The following PCDH18 variants were observed in gnomAD, a reference collection of about 807,000 sequenced individuals.
The protein encoded by PCDH18 is protocadherin-18.
In PCDH18, 38 loss-of-function variants were observed where a neutral mutation model predicts 71.5. That is an observed-to-expected ratio of 0.53 (90% CI 0.41 to 0.70). The LOEUF (loss-of-function observed/expected upper bound fraction) is 0.70, where lower values mean the gene tolerates loss of function less well. Among genes scored for constraint, PCDH18 ranks in the 30% least tolerant of loss-of-function variants. PCDH18 has a pLI of 0.00. For missense variants in PCDH18, 1,334 were observed against 1,384.6 expected, an observed-to-expected ratio of 0.96 and a Z score of 0.58; for synonymous variants, 565 against 505.4, an observed-to-expected ratio of 1.12 and a Z score of -1.58.
chr4:137,524,625 C>A (rs1226304430), intron 3 of PCDH18, among the ~76,000 whole-genome samples: 2 of 152,068 alleles, frequency 1.3e-5, no homozygotes, highest in Non-Finnish European at 1.5e-5. Context: ...ACACCATGAG[C>A]AAAGCATCAG....
rs767735073 is a variant in PCDH18, at chr4:137,528,675, T to G, written c.2577-34A>C. ...ATAAATCACAAAAAAAAATTACAGT[T>G]TTTACTCTTCAGCATTTATGTTGAA... On this transcript the variant is annotated intron_variant, in intron 2 of 3. Transcript: ENST00000344876. 8 of 1,610,882 alleles carry G rather than the reference T, an allele frequency of 5.0e-6. No individual in the cohort carries two copies. The African/African-American group carries it at 5.4e-5, about 11-fold the overall frequency.
rs753033679 is a variant in PCDH18 at position 137,530,853 on chromosome 4, T to G, written c.1236A>C (p.Glu412Asp). 1 of 1,609,512 alleles carries G rather than the reference T, an allele frequency of 6.2e-7. No individual in the cohort carries two copies. Among genetic ancestry groups the G allele is most frequent in the Non-Finnish European group, 8.5e-7 (1 of 1,177,408 alleles). The change falls in exon 1 of 4, where the codon GAA becomes GAC. Residue 412 changes from glutamate to aspartate, a missense_variant. Physicochemically the swap from Glu to Asp is conservative, Grantham distance 45. Around this residue, in one of 3 missense-constraint regions of PCDH18, gnomAD observed 1,011 missense variants for 1,048.0 expected, o/e 0.96. Transcript: ENST00000344876. Reference sequence around the variant, plus strand: ...CATTAGTTAAGATTAAATAATTGTTTTCATATGTCTTCTGAAGTTTAAAGT... The same window carrying G: ...CATTAGTTAAGATTAAATAATTGTTGTCATATGTCTTCTGAAGTTTAAAGT... ...HGHFKLQKTY[E>D]NNYLILTNAT... is the part of the protein sequence containing the mutation.
In PCDH18 at chr4:137,531,154, A is replaced by G. The variant is rs1731678165; in HGVS notation, c.935T>C (p.Val312Ala). ...ATAGGATTTGGTGATTTCATAATCC[A>G]CTTGCTTGAAAAGAGTCAAATGTCC... is the stretch of plus-strand genomic sequence containing the variant. ...ERGHLTLFKQ[V>A]DYEITKSYEI... Residue 312 changes from valine to alanine, a missense_variant, in exon 1 of 4, where the codon GTG becomes GCG. By Grantham distance (64) the Val-to-Ala change is moderately conservative. Coordinates refer to ENST00000344876, the MANE Select transcript of PCDH18 (RefSeq NM_019035.5). The G allele has an allele frequency of 6.2e-7, 1 of 1,613,574 alleles. No individual in the cohort carries two copies. Among genetic ancestry groups the G allele is most frequent in the Non-Finnish European group, 8.5e-7 (1 of 1,179,684 alleles).
In PCDH18 at chr4:137,531,747, G is replaced by T. The variant is rs1578751292; in HGVS notation, c.342C>A (p.Pro114=). 3.7e-6 allele frequency: 6 copies of T among 1,613,942 alleles called. No individual in the cohort carries two copies. In the African/African-American group the frequency reaches 8.0e-5, roughly 22 times the overall value. The change falls in exon 1 of 4, where the codon CCC becomes CCA. Residue 114 remains proline, a synonymous_variant. Transcript: ENST00000344876. The part of the protein sequence containing the change: ...CSIEFDVITL[P]TEHLQLFHIE... ...TATGGAAAAGCTGCAGATGCTCTGT[G>T]GGTAGAGTGATCACATCAAACTCTA...
In PCDH18 at chr4:137,530,294, G is replaced by A; in HGVS notation, c.1795C>T (p.His599Tyr). 1.2e-6 allele frequency: 2 copies of A among 1,613,826 alleles called. No individual in the cohort carries two copies. Among genetic ancestry groups the A allele is most frequent in the African/African-American group, 1.3e-5 (1 of 75,040 alleles). Residue 599 changes from histidine (H) to tyrosine (Y), a missense_variant, in exon 1 of 4, where the codon CAT (histidine) becomes TAT (tyrosine). By Grantham distance (83) the His-to-Tyr change is moderately conservative. Coordinates refer to ENST00000344876, the MANE Select transcript of PCDH18 (RefSeq NM_019035.5). ...TCAATTGCCCTTATTCTTGTGACAT[G>A]AAAGCCACTTTCAGCCCCTTTGGGA... ...TIPKGAESGF[H>Y]VTRIRAIDRD... is the part of the protein sequence containing the mutation.
chr4:137,528,570 C>T lies in PCDH18; in HGVS notation c.2648G>A (p.Ser883Asn). 1 of 1,614,008 alleles carries T rather than the reference C, an allele frequency of 6.2e-7. No individual in the cohort carries two copies. ...AGAATCTCGCCCCAAATCATAATCA[C>T]TGTCTCCTGCCTCACTGTCACCACG... ...SGRGDSEAGD[S>N]DYDLGRDSPI... The change falls in exon 3 of 4, where the codon AGT (serine) becomes AAT (asparagine). Residue 883 changes from serine to asparagine, a missense_variant. By Grantham distance (46) the Ser-to-Asn change is conservative. Transcript: ENST00000344876.
In PCDH18 at chr4:137,530,178, G is replaced by A. The variant is rs775549019; in HGVS notation, c.1911C>T (p.Asp637=). 6.2e-7 allele frequency: 1 copy of A among 1,613,460 alleles called. No individual in the cohort carries two copies. Among genetic ancestry groups the A allele is most frequent in the Non-Finnish European group, 8.5e-7 (1 of 1,179,612 alleles). The part of the protein sequence containing the change: ...NIFIIDPRSC[D]IHTNVSMDSV... Reference sequence around the variant, plus strand: ...AATCCATGCTAACGTTGGTATGGATGTCACATGATCGTGGATCAATTATGA... The same window carrying A: ...AATCCATGCTAACGTTGGTATGGATATCACATGATCGTGGATCAATTATGA... The change falls in exon 1 of 4, where the codon GAC becomes GAT. Residue 637 remains aspartate, a synonymous_variant. Transcript: ENST00000344876.
At chr4:137,522,165 T>C (rs1471118948) in intron 3 of PCDH18, among the ~76,000 whole-genome samples, 2 of 152,194 alleles carry the variant, frequency 1.3e-5, no homozygotes, top group African/African-American at 4.8e-5. Flanking sequence ...TATAATAAGC[T>C]ATAAGGTAAT....
chr4:137,526,959 A>T (rs1218973038), intron 3 of PCDH18, among the ~76,000 whole-genome samples: 1 of 54,008 alleles, frequency 1.9e-5, no homozygotes, highest in Non-Finnish European at 4.2e-5. Flanking sequence ...TCCAAATCTT[A>T]AAAAAAAAAA....
rs147659787 is a variant in PCDH18 at position 137,529,671 on chromosome 4, C to T, written c.2418G>A (p.Val806=). ...CTGGCACGTGGTTTGATGAGATTGT[C>T]ACCAAACTGTTGAGTGACTGGTGAC... The part of the protein sequence containing the change: ...HNSHQSLNSL[V]TISSNHVPEN... The change falls in exon 1 of 4, where the codon GTG becomes GTA. Residue 806 remains valine, a synonymous_variant. Transcript: ENST00000344876. 3.2e-4 allele frequency: 515 copies of T among 1,613,840 alleles called. 3 individuals are homozygous for T. Among genetic ancestry groups the T allele is most frequent in the East Asian group, 2.6e-3 (117 of 44,852 alleles).
chr4:137,527,081 G>A (rs1369680390), intron 3 of PCDH18, among the ~76,000 whole-genome samples: 2 of 151,934 alleles, frequency 1.3e-5, no homozygotes, highest in African/African-American at 4.8e-5. Context: ...TAAACCTGGG[G>A]GCATAGTTGG....
In PCDH18 at chr4:137,521,276, G is replaced by T. The variant is rs564865274; in HGVS notation, c.3161C>A (p.Ala1054Glu). ...AAAATGCGTACTGGCTGCCCATGCC[G>T]CTACCCCCTGTGGGTAACCCACAGT... ...AKTVGYPQGV[A>E]AWAASTHFQN... Residue 1054 changes from alanine (A) to glutamate (E), a missense_variant, in exon 4 of 4, where the codon GCG becomes GAG. Ala to Glu is a moderately radical substitution (Grantham distance 107, BLOSUM62 -1). Transcript: ENST00000344876. 6.2e-7 allele frequency: 1 copy of T among 1,614,126 alleles called. No homozygotes were observed. Among genetic ancestry groups the T allele is most frequent in the Non-Finnish European group, 8.5e-7 (1 of 1,179,992 alleles).
chr4:137,522,870 A>G (rs559066089), intron 3 of PCDH18, among the ~76,000 whole-genome samples: 1 of 152,304 alleles, frequency 6.6e-6, no homozygotes, highest in Non-Finnish European at 1.5e-5. Flanking sequence ...TGCATACAGT[A>G]GGTATTCACT....
intron 3 of PCDH18, among the ~76,000 whole-genome samples, chr4:137,523,050 GA>G (rs1731346119): frequency 6.6e-6 from 1 of 152,024 alleles, no homozygotes; most frequent in Admixed American, 6.6e-5. Flanking sequence ...AAGTTTTAAT[GA>G]AAAGGAGGAT....
In PCDH18 at chr4:137,520,902, A is replaced by G. The variant is rs1376169159; in HGVS notation, c.*127T>C. The G allele has an allele frequency of 3.2e-6, 2 of 626,272 alleles. No homozygotes were observed. Among genetic ancestry groups the G allele is most frequent in the Non-Finnish European group, 5.6e-6 (2 of 355,610 alleles). The allele number at this position is 626,272 out of a possible 1,614,324, so 38.8% of individuals were successfully genotyped here. A position where few individuals can be genotyped will look rare whatever the true frequency, so the allele number is the denominator to read the frequency against. ...TACGAAAATACAGTATTTAATATTC[A>G]ATATACACAGACACATTTATGATAA... On this transcript the variant is annotated 3_prime_UTR_variant, in exon 4 of 4. Coordinates refer to ENST00000344876, the MANE Select transcript of PCDH18 (RefSeq NM_019035.5).
rs1368391396 is a variant in PCDH18 at position 137,521,345 on chromosome 4, C to T, written c.3092G>A (p.Arg1031Gln). 6.2e-7 allele frequency: 1 copy of T among 1,614,102 alleles called. No individual in the cohort carries two copies. Among genetic ancestry groups the T allele is most frequent in the South Asian group, 1.1e-5 (1 of 91,082 alleles). ...DTYSECSEVDRSNSLERRKGP... is the reference protein window; with the variant it reads ...DTYSECSEVDQSNSLERRKGP... ...CTTCCTGCGCTCCAGGGAGTTGGAC[C>T]GATCCACCTCACTGCATTCAGAATA... The change falls in exon 4 of 4, where the codon CGG (arginine) becomes CAG (glutamine). Residue 1031 changes from arginine to glutamine, a missense_variant. Arg to Gln is a conservative substitution (Grantham distance 43). Coordinates refer to ENST00000344876, the MANE Select transcript of PCDH18 (RefSeq NM_019035.5).
At chr4:137,524,916 T>C (rs1407926137) in intron 3 of PCDH18, among the ~76,000 whole-genome samples, 1 of 152,094 alleles carries the variant, frequency 6.6e-6, no homozygotes, top group African/African-American at 2.4e-5. Flanking sequence ...ACACTAAACC[T>C]GTCATGGAAG....
chr4:137,529,709 G>T lies in PCDH18; in HGVS notation c.2380C>A (p.Gln794Lys). The change falls in exon 1 of 4, where the codon CAG becomes AAG. Residue 794 changes from glutamine (Q) to lysine (K), a missense_variant. Physicochemically the swap from Gln to Lys is moderately conservative, Grantham distance 53. Transcript: ENST00000344876. ...TLERGQMGSR[Q>K]SHNSHQSLNS... ...AGTGACTGGTGACTGTTGTGACTCT[G>T]CCGGCTGCCCATCTGCCCTCTTTCT... is the stretch of plus-strand genomic sequence containing the variant. 6.2e-7 allele frequency: 1 copy of T among 1,613,896 alleles called. No individual in the cohort carries two copies. The highest frequency in any genetic ancestry group is 8.5e-7 in the Non-Finnish European group (1 of 1,179,836).
chr4:137,529,694 G>A lies in PCDH18; in HGVS notation c.2395C>T (p.His799Tyr). The change falls in exon 1 of 4, where the codon CAC becomes TAC. Residue 799 changes from histidine (H) to tyrosine (Y), a missense_variant. Physicochemically the swap from His to Tyr is moderately conservative, Grantham distance 83. Coordinates refer to ENST00000344876, the MANE Select transcript of PCDH18 (RefSeq NM_019035.5). ...GTCACCAAACTGTTGAGTGACTGGT[G>A]ACTGTTGTGACTCTGCCGGCTGCCC... ...QMGSRQSHNSHQSLNSLVTIS... is the reference protein window; with the variant it reads ...QMGSRQSHNSYQSLNSLVTIS... 1 of 1,613,882 alleles carries A rather than the reference G, an allele frequency of 6.2e-7. No homozygotes were observed. Among genetic ancestry groups the A allele is most frequent in the Non-Finnish European group, 8.5e-7 (1 of 1,179,832 alleles).
Sources: allele counts gnomAD v4.1 joint callset (sites outside exome capture counted in the v4.1 genomes callset), GRCh38; gene constraint gnomAD v4.1.1; regional missense constraint gnomAD v4.1.1; transcripts MANE v1.5; gene names NCBI Gene and HGNC (gene_info 2026-07-23, HGNC 2026-07-21).